TLN2: variants seen among roughly 807,000 people sequenced by gnomAD.
TLN2 encodes the protein talin 2.
A neutral mutation model predicts 294.7 loss-of-function variants in TLN2; 118 were observed. The observed-to-expected ratio is 0.40, with a 90% CI of 0.34 to 0.47. The LOEUF (loss-of-function observed/expected upper bound fraction) is 0.47, where lower values mean the gene tolerates loss of function less well. Ranked by LOEUF, TLN2 falls within the 20% of genes least tolerant of loss-of-function variation. The pLI is 0.84. For missense variants in TLN2, 3,083 were observed against 3,282.2 expected (o/e 0.94, Z 1.48); for synonymous variants, 1,431 against 1,304.5 (o/e 1.10, Z -2.09).
intron 2 of TLN2, among the ~76,000 whole-genome samples, chr15:62,603,582 A>C (rs2047176892): frequency 6.6e-6 from 1 of 152,166 alleles, no homozygotes; most frequent in Non-Finnish European, 1.5e-5. Flanking sequence ...AGCTTTGTGG[A>C]GAATAGCCTT....
At chr15:62,731,056 A>C (rs1436565781) in intron 28 of TLN2, among the ~76,000 whole-genome samples, 1 of 151,922 alleles carries the variant, frequency 6.6e-6, no homozygotes, top group Non-Finnish European at 1.5e-5. Flanking sequence ...TCCTCTCTTT[A>C]GCGGTGTCTA....
chr15:62,603,196 C>T (rs763567732), intron 2 of TLN2, among the ~76,000 whole-genome samples: 4 of 152,136 alleles, frequency 2.6e-5, no homozygotes, highest in Non-Finnish European at 5.9e-5. Flanking sequence ...CCGGCCGAGG[C>T]GTTTGGTTTT....
intron 1 of TLN2, among the ~76,000 whole-genome samples, chr15:62,506,458 A>G (rs184561596): frequency 4.7e-4 from 72 of 152,372 alleles, no homozygotes; most frequent in African/African-American, 1.6e-3. Context: ...TACAAACACC[A>G]GACTGGATTC....
rs765682375 is a variant in TLN2 at position 62,675,238 on chromosome 15, A to G, written c.874A>G (p.Met292Val). 5.0e-6 allele frequency: 8 copies of G among 1,614,068 alleles called. No homozygotes were observed. The African/African-American group carries it at 9.3e-5, about 19-fold the overall frequency. The change falls in exon 11 of 59, where the codon ATG becomes GTG. Residue 292 changes from methionine (M) to valine (V), a missense_variant. Physicochemically the swap from Met to Val is conservative, Grantham distance 21 (BLOSUM62 1). Transcript: ENST00000636159. ...IFQEHKNCGE[M>V]SEIEAKVKYV... ...GCAGGAGCATAAGAACTGCGGAGAGATGAGTGAGATAGAAGCCAAGGTCAA... is the reference window on the plus strand; with the variant it reads ...GCAGGAGCATAAGAACTGCGGAGAGGTGAGTGAGATAGAAGCCAAGGTCAA...
intron 22 of TLN2, among the ~76,000 whole-genome samples, chr15:62,715,079 G>A (rs1008868070): frequency 3.9e-5 from 6 of 152,200 alleles, no homozygotes; most frequent in African/African-American, 1.4e-4. Context: ...AAATAAAAAT[G>A]TTTCATTGCT....
chr15:62,766,512 C>G, intron 41 of TLN2, 90 bp downstream of exon 41: 1 of 1,271,610 alleles, frequency 7.9e-7, no homozygotes, highest in Non-Finnish European at 1.1e-6. Context: ...TTCCCAAAAG[C>G]CTGTGGTGCA....
chr15:62,568,368 A>G (rs1239784081), intron 1 of TLN2, among the ~76,000 whole-genome samples: 1 of 152,284 alleles, frequency 6.6e-6, no homozygotes, highest in Non-Finnish European at 1.5e-5. Flanking sequence ...TCTATGCTTC[A>G]TTTTCTTCAG....
At chr15:62,708,280 A>G (rs149544590) in intron 20 of TLN2, among the ~76,000 whole-genome samples, 1 of 152,314 alleles carries the variant, frequency 6.6e-6, no homozygotes, top group African/African-American at 2.4e-5. Context: ...AATTAGTGGG[A>G]CATGTCAAAT....
intron 1 of TLN2, among the ~76,000 whole-genome samples, chr15:62,479,181 G>A (rs1263694358): frequency 6.6e-6 from 1 of 152,150 alleles, no homozygotes; most frequent in African/African-American, 2.4e-5. Flanking sequence ...TGGGGGAGCT[G>A]GATTCAAATC....
rs1317316612 is a variant in TLN2, at chr15:62,819,735, C to T, written c.6877+114C>T. 3.5e-6 allele frequency: 3 copies of T among 860,174 alleles called. No individual in the cohort carries two copies. In the Admixed American group the frequency reaches 7.7e-5, roughly 22 times the overall value. The allele number at this position is 860,174 out of a possible 1,614,324, so 53.3% of individuals were successfully genotyped here. A position where few individuals can be genotyped will look rare whatever the true frequency, so the allele number is the denominator to read the frequency against. ...AATGGCCTTTAGCTGGCAGATGCAG[C>T]CAGGAATACAGTGAGGACTTTCTGC... On this transcript the variant is annotated intron_variant, in intron 53 of 58. Coordinates refer to ENST00000636159, the MANE Select transcript of TLN2 (RefSeq NM_015059.3).
chr15:62,596,771 A>T (rs2046561785), intron 2 of TLN2, among the ~76,000 whole-genome samples: 1 of 152,094 alleles, frequency 6.6e-6, no homozygotes, highest in Non-Finnish European at 1.5e-5. Flanking sequence ...ATAACTATGA[A>T]TTTTAAGTCA....
At chr15:62,824,795 T>C (rs1371336320) in intron 54 of TLN2, among the ~76,000 whole-genome samples, 1 of 152,244 alleles carries the variant, frequency 6.6e-6, no homozygotes, top group Non-Finnish European at 1.5e-5. Flanking sequence ...GGTTTTGACC[T>C]CTTCCTTATA....
At chr15:62,567,373 A>G (rs1054632975) in intron 1 of TLN2, among the ~76,000 whole-genome samples, 2 of 152,236 alleles carry the variant, frequency 1.3e-5, no homozygotes, top group African/African-American at 4.8e-5. Flanking sequence ...TTTGGAACAC[A>G]TTGTCAGAGT....
intron 1 of TLN2, among the ~76,000 whole-genome samples, chr15:62,435,551 AT>A (rs930769698): frequency 2.0e-5 from 3 of 151,580 alleles, no homozygotes; most frequent in African/African-American, 7.3e-5. Flanking sequence ...ATTTTTATTT[AT>A]TTTTTTGAAA....
intron 57 of TLN2, among the ~76,000 whole-genome samples, chr15:62,836,930 A>G (rs7162883): frequency 0.18 from 27,016 of 152,170 alleles, 2,750 homozygotes; most frequent in South Asian, 0.37. Flanking sequence ...TAACTTCTCT[A>G]TGCAAAGCTA....
At position 62,663,159 on chromosome 15, in the gene TLN2, G is replaced by A. The variant is rs192329211; in HGVS notation, c.788+5261G>A. On this transcript the variant is annotated intron_variant, in intron 9 of 58. Transcript: ENST00000636159. ...TTTAGAATGGATTACCAAGAGACAC[G>A]TTTTCACAGTAGAAAATTTGTTTAT... Among the ~76,000 whole-genome samples the A allele has an allele frequency of 7.9e-5, 12 of 152,110 alleles. No homozygotes were observed. In the East Asian group the frequency reaches 1.5e-3, roughly 20 times the overall value.
chr15:62,589,619 A>G (rs2140731246), intron 1 of TLN2, 68 bp from the exon 2 acceptor site: 1 of 152,322 alleles, frequency 6.6e-6, no homozygotes, highest in East Asian at 1.9e-4. Flanking sequence ...GGAAATGACC[A>G]AATGTATAGA....
intron 31 of TLN2, among the ~76,000 whole-genome samples, chr15:62,740,138 A>C (rs187050173): frequency 6.6e-6 from 1 of 151,558 alleles, no homozygotes; most frequent in East Asian, 1.9e-4. Flanking sequence ...ATTGTTTCTC[A>C]GATGGCAACC....
chr15:62,805,258 G>A (rs1476596718), intron 50 of TLN2, among the ~76,000 whole-genome samples: 1 of 152,114 alleles, frequency 6.6e-6, no homozygotes, highest in Non-Finnish European at 1.5e-5. Flanking sequence ...AGCAGGGATG[G>A]GGGAAGAGAA....
Sources: gnomAD v4.1 joint callset for allele counts (sites outside exome capture counted in the v4.1 genomes callset) on GRCh38, gnomAD v4.1.1 for gene constraint, MANE v1.5 for transcripts, NCBI Gene and HGNC (gene_info 2026-07-23, HGNC 2026-07-21) for gene names.